Variants in MAMDC2 observed in about 807,000 individuals in gnomAD.
MAMDC2 encodes the protein MAM domain containing 2.
Under a neutral mutation model 89.8 loss-of-function variants are expected in MAMDC2, and 57 were observed. The ratio of observed to expected loss-of-function variants is 0.63; its 90% confidence interval spans 0.51 to 0.79. The LOEUF is 0.79. MAMDC2 is among the 30% of genes least tolerant of loss of function. The probability of loss-of-function intolerance (pLI) is 0.00; values close to 1 mark genes in which losing one functional copy is unlikely to be tolerated. For missense variants in MAMDC2, 800 were observed against 820.6 expected, an observed-to-expected ratio of 0.97 and a Z score of 0.31; for synonymous variants, 313 against 293.4, an observed-to-expected ratio of 1.07 and a Z score of -0.68.
intron 11 of MAMDC2, among the ~76,000 whole-genome samples, chr9:70,207,212 T>G (rs1032490333): frequency 6.6e-6 from 1 of 152,258 alleles, no homozygotes; most frequent in Non-Finnish European, 1.5e-5. Context: ...CACACTGTCT[T>G]CCACAATGGC....
At chr9:70,140,428 G>A in intron 8 of MAMDC2, 140 bp downstream of exon 8, 1 of 874,980 alleles carries the variant, frequency 1.1e-6, no homozygotes, top group South Asian at 2.0e-5. Context: ...GTAGTCTTGT[G>A]TTTGACCATT....
rs201098701 is a variant in MAMDC2, at chr9:70,203,000, T to C, written c.1652-15337T>C. Among the ~76,000 whole-genome samples, 412 of 152,256 alleles carry C rather than the reference T, an allele frequency of 2.7e-3. 14 individuals are homozygous for C. The East Asian group carries it at 0.071, about 26-fold the overall frequency. ...ATACAGCACACTGATGGATCTTGAC[T>C]CTTTATCCAATTTGCCAGTCTGTGT... On this transcript the variant is annotated intron_variant, in intron 11 of 13. Coordinates refer to ENST00000377182, the MANE Select transcript of MAMDC2 (RefSeq NM_153267.5).
intron 11 of MAMDC2, among the ~76,000 whole-genome samples, chr9:70,214,302 G>T (rs1409725517): frequency 6.6e-6 from 1 of 152,208 alleles, no homozygotes; most frequent in Non-Finnish European, 1.5e-5. Flanking sequence ...AGACTTAAAG[G>T]AGGTAAGAGA....
intron 11 of MAMDC2, among the ~76,000 whole-genome samples, chr9:70,189,556 T>C (rs1368871924): frequency 6.6e-6 from 1 of 152,198 alleles, no homozygotes; most frequent in Non-Finnish European, 1.5e-5. Flanking sequence ...ATTTTTCTAG[T>C]AGTGACTCCT....
chr9:70,103,660 T>G (rs1439888857), intron 2 of MAMDC2, among the ~76,000 whole-genome samples: 1 of 151,430 alleles, frequency 6.6e-6, no homozygotes, highest in East Asian at 1.9e-4. Context: ...AATTTAAAAA[T>G]TTTATACTTC....
chr9:70,221,247 C>T (rs59546243), intron 12 of MAMDC2, among the ~76,000 whole-genome samples: 10,326 of 148,230 alleles, frequency 0.07, 585 homozygotes, highest in East Asian at 0.23. Context: ...CCCAGCACTT[C>T]GGGAGGCCGA....
chr9:70,125,879 T>C (rs2030513930), intron 5 of MAMDC2, among the ~76,000 whole-genome samples: 1 of 152,188 alleles, frequency 6.6e-6, no homozygotes. Flanking sequence ...ACATCTACCT[T>C]TCTCTGTGTA....
At chr9:70,063,526 TAAAAG>T (rs1265917449) in intron 2 of MAMDC2, among the ~76,000 whole-genome samples, 1 of 152,098 alleles carries the variant, frequency 6.6e-6, no homozygotes, top group African/African-American at 2.4e-5. Flanking sequence ...AATAAGTAAA[TAAAAG>T]AAAAATATAA....
chr9:70,159,045 A>T (rs1003290126), intron 9 of MAMDC2, among the ~76,000 whole-genome samples: 12 of 121,336 alleles, frequency 9.9e-5, no homozygotes, highest in Non-Finnish European at 1.8e-4. Context: ...GTGCATGCAT[A>T]ATACACACAC....
intron 9 of MAMDC2, among the ~76,000 whole-genome samples, chr9:70,167,288 G>A (rs1265369057): frequency 6.6e-6 from 1 of 152,082 alleles, no homozygotes. Context: ...TTATCCAGAA[G>A]GTCTTGGATT....
chr9:70,125,654 A>C lies in MAMDC2; in HGVS notation c.644-505A>C, dbSNP rs200835237. Among the ~76,000 whole-genome samples, 3 of 152,332 alleles carry C rather than the reference A, an allele frequency of 2.0e-5. No individual in the cohort carries two copies. In the East Asian group the frequency reaches 5.8e-4, roughly 29 times the overall value. On this transcript the variant is annotated intron_variant, in intron 5 of 13. Transcript: ENST00000377182. ...GGAATTCAAAATCTTAGTTTCACTC[A>C]AAAAACACATGGTGACATCTTGCAT...
intron 9 of MAMDC2, among the ~76,000 whole-genome samples, chr9:70,159,908 G>T (rs909013263): frequency 6.6e-6 from 1 of 152,002 alleles, no homozygotes; most frequent in Non-Finnish European, 1.5e-5. Flanking sequence ...CAGCCCGGAG[G>T]CCTATTAGAA....
At chr9:70,063,892 G>A (rs1013573554) in intron 2 of MAMDC2, among the ~76,000 whole-genome samples, 11 of 152,082 alleles carry the variant, frequency 7.2e-5, no homozygotes, top group Non-Finnish European at 1.6e-4. Context: ...ACCCAAGTGG[G>A]CTTCATTCCA....
Position 70,044,147 on chromosome 9 carries a change from G to C in MAMDC2, c.-51G>C. 3 of 1,606,898 alleles carry C rather than the reference G, an allele frequency of 1.9e-6. No individual in the cohort carries two copies. Among genetic ancestry groups the C allele is most frequent in the East Asian group, 4.5e-5 (2 of 44,790 alleles). On this transcript the variant is annotated 5_prime_UTR_variant, in exon 1 of 14. Coordinates refer to ENST00000377182, the MANE Select transcript of MAMDC2 (RefSeq NM_153267.5). ...CTTTCACTAGGAGCAGCCAGTCCCA[G>C]CGGGCTGGCAACTTGCACCCCTTCC...
At chr9:70,127,414 T>C (rs746095859) in intron 6 of MAMDC2, among the ~76,000 whole-genome samples, 20 of 151,604 alleles carry the variant, frequency 1.3e-4, no homozygotes, top group Non-Finnish European at 2.8e-4. Flanking sequence ...AAGATTGCTA[T>C]AAAGATTTGG....
At chr9:70,182,042 T>G (rs1052291232) in intron 11 of MAMDC2, among the ~76,000 whole-genome samples, 1 of 152,210 alleles carries the variant, frequency 6.6e-6, no homozygotes, top group African/African-American at 2.4e-5. Context: ...AACACCTAGT[T>G]TATTGAGAGT....
chr9:70,133,338 T>C (rs1425059476), intron 7 of MAMDC2, among the ~76,000 whole-genome samples: 1 of 152,188 alleles, frequency 6.6e-6, no homozygotes, highest in Non-Finnish European at 1.5e-5. Context: ...AGAGAATTTG[T>C]GTGAGCTCTT....
rs761118140 is a variant in MAMDC2 at position 70,113,063 on chromosome 9, G to T, written c.574G>T (p.Val192Phe). 2.3e-5 allele frequency: 37 copies of T among 1,614,018 alleles called. No homozygotes were observed. The highest frequency in any genetic ancestry group is 2.2e-5 in the South Asian group (2 of 91,080). The change falls in exon 5 of 14, where the codon GTT (valine) becomes TTT (phenylalanine). Residue 192 changes from valine (V) to phenylalanine (F), a missense_variant. By Grantham distance (50) the Val-to-Phe change is conservative. Coordinates refer to ENST00000377182, the MANE Select transcript of MAMDC2 (RefSeq NM_153267.5). ...NRWNPNVNWF[V>F]GGGSIRNVHS... ...CTGGAATCCCAATGTGAACTGGTTT[G>T]TTGGAGGAGGAAGTATTCGGAATGT...
intron 2 of MAMDC2, among the ~76,000 whole-genome samples, chr9:70,048,068 G>A (rs906813716): frequency 5.9e-5 from 9 of 152,140 alleles, no homozygotes; most frequent in Admixed American, 3.3e-4. Flanking sequence ...ACCATACAGG[G>A]CATCGGGCAC....
Sources: allele counts gnomAD v4.1 joint callset (sites outside exome capture counted in the v4.1 genomes callset), GRCh38; gene constraint gnomAD v4.1.1; transcripts MANE v1.5; gene names NCBI Gene and HGNC (gene_info 2026-07-23, HGNC 2026-07-21).